Variants in SPAG17 observed in about 807,000 individuals in gnomAD.
SPAG17 encodes sperm associated antigen 17, also known as sperm-associated antigen 17.
In SPAG17, 169 loss-of-function variants were observed where a neutral mutation model predicts 273.6. The ratio of observed to expected loss-of-function variants is 0.62; its 90% CI spans 0.55 to 0.70. The LOEUF is 0.70. Among genes scored for constraint, SPAG17 ranks in the 30% least tolerant of loss-of-function variants. The probability of loss-of-function intolerance (pLI) is 0.00; values close to 1 mark genes in which losing one functional copy is unlikely to be tolerated. For missense variants in SPAG17, 2,557 were observed against 2,627.8 expected (o/e 0.97, Z 0.59); for synonymous variants, 825 against 873.2 (o/e 0.94, Z 0.97).
intron 1 of SPAG17, among the ~76,000 whole-genome samples, chr1:118,168,429 T>C (rs959684108): frequency 1.3e-5 from 2 of 152,192 alleles, no homozygotes; most frequent in African/African-American, 2.4e-5. Context: ...TTTGGAGATA[T>C]TGAATTTAAG....
chr1:117,984,731 T>G lies in SPAG17; in HGVS notation c.5721A>C (p.Ile1907=), dbSNP rs1305493876. Residue 1907 remains isoleucine, a synonymous_variant, in exon 41 of 49, where the codon ATA becomes ATC. Transcript: ENST00000336338. ...QNYLMDIKNR[I]IPPFFKSELN... Reference sequence around the variant, plus strand: ...ATTCAGATTTAAAAAAGGGTGGTATTATGCGGTTCTTAATATCCATTAGGT... The same window carrying G: ...ATTCAGATTTAAAAAAGGGTGGTATGATGCGGTTCTTAATATCCATTAGGT... 2 of 1,611,616 alleles carry G rather than the reference T, an allele frequency of 1.2e-6. No individual in the cohort carries two copies. The highest frequency in any genetic ancestry group is 2.7e-5 in the African/African-American group (2 of 74,876).
At chr1:118,026,409 C>T (rs1477411342) in intron 26 of SPAG17, among the ~76,000 whole-genome samples, 1 of 152,124 alleles carries the variant, frequency 6.6e-6, no homozygotes, top group Non-Finnish European at 1.5e-5. Flanking sequence ...AAGGAATTAA[C>T]ACATAATGAT....
At chr1:118,154,461 T>A (rs552105044) in intron 1 of SPAG17, among the ~76,000 whole-genome samples, 66 of 152,234 alleles carry the variant, frequency 4.3e-4, no homozygotes, top group African/African-American at 1.4e-3. Context: ...ATTCAACTAA[T>A]GAAGAACAAG....
At chr1:118,016,842 T>A (rs1397168573) in intron 28 of SPAG17, among the ~76,000 whole-genome samples, 5 of 152,178 alleles carry the variant, frequency 3.3e-5, no homozygotes, top group Admixed American at 3.3e-4. Context: ...CTCATGGAAA[T>A]CCTTGACCAA....
intron 3 of SPAG17, among the ~76,000 whole-genome samples, chr1:118,139,184 T>C (rs1171913540): frequency 6.6e-6 from 1 of 152,068 alleles, no homozygotes; most frequent in South Asian, 2.1e-4. Context: ...AAAGAAGACA[T>C]GCAGATAGAC....
At chr1:118,068,152 A>T (rs1015357595) in intron 17 of SPAG17, among the ~76,000 whole-genome samples, 5 of 146,844 alleles carry the variant, frequency 3.4e-5, no homozygotes, top group Non-Finnish European at 7.5e-5. Context: ...TATATATATA[A>T]TATATATATA....
rs746968862 is a variant in SPAG17 at position 118,015,966 on chromosome 1, G to A, written c.4286C>T (p.Thr1429Met). The A allele has an allele frequency of 4.2e-5, 68 of 1,613,478 alleles. No homozygotes were observed. The highest frequency in any genetic ancestry group is 3.6e-4 in the South Asian group (33 of 91,032). Residue 1429 changes from threonine to methionine, a missense_variant and splice_region_variant, in exon 29 of 49, where the codon ACG becomes ATG. Thr to Met is a moderately conservative substitution (Grantham distance 81, BLOSUM62 -1). Coordinates refer to ENST00000336338, the MANE Select transcript of SPAG17 (RefSeq NM_206996.4). The part of the protein sequence containing the change: ...SFQATDPVNG[T>M]VMTTREDKVV... ...GCAATAAACAATAGTTTGTCATACC[G>A]TTCCATTGACAGGATCTGTGGCCTG...
chr1:118,161,975 C>A (rs774633433), intron 1 of SPAG17, among the ~76,000 whole-genome samples: 9 of 152,172 alleles, frequency 5.9e-5, no homozygotes, highest in Non-Finnish European at 1.2e-4. Context: ...AAGAGCAGTT[C>A]TACTTGAGTG....
Position 118,023,371 on chromosome 1 carries a change from A to C in SPAG17, c.4002T>G (p.Asp1334Glu), listed in dbSNP as rs1371826526. The C allele has an allele frequency of 3.1e-5, 50 of 1,612,820 alleles. No homozygotes were observed. Among genetic ancestry groups the C allele is most frequent in the Non-Finnish European group, 4.2e-5 (49 of 1,179,244 alleles). Residue 1334 changes from aspartate (D) to glutamate (E), a missense_variant, in exon 28 of 49, where the codon GAT becomes GAG. Asp to Glu is a conservative substitution (Grantham distance 45). Coordinates refer to ENST00000336338, the MANE Select transcript of SPAG17 (RefSeq NM_206996.4). ...TCTGCTGAGAAATAGAGTCCATCAA[A>C]TCTCCACTGTGAGGCGTTGCTGGCA... is the stretch of plus-strand genomic sequence containing the variant. ...SEMPATPHSG[D>E]LMDSISQQKS...
chr1:118,096,060 G>T (rs930073499), intron 7 of SPAG17, among the ~76,000 whole-genome samples: 4 of 152,092 alleles, frequency 2.6e-5, no homozygotes, highest in Non-Finnish European at 5.9e-5. Flanking sequence ...GATTCACCAG[G>T]ATATCAGACT....
intron 24 of SPAG17, among the ~76,000 whole-genome samples, chr1:118,035,844 C>G (rs1309249326): frequency 6.6e-6 from 1 of 152,058 alleles, no homozygotes; most frequent in Non-Finnish European, 1.5e-5. Context: ...AAAGTGATAT[C>G]CTATTTTGTG....
intron 3 of SPAG17, among the ~76,000 whole-genome samples, chr1:118,137,821 C>G (rs1260745186): frequency 6.6e-6 from 1 of 152,080 alleles, no homozygotes; most frequent in East Asian, 1.9e-4. Flanking sequence ...AATTTCTATC[C>G]AATAGTCAAT....
chr1:118,147,491 T>G (rs1659079813), intron 3 of SPAG17, among the ~76,000 whole-genome samples: 4 of 150,630 alleles, frequency 2.7e-5, no homozygotes, highest in African/African-American at 9.7e-5. Context: ...CTGTTCTCAT[T>G]CCCACATGAG....
At chr1:117,971,665 T>C (rs968915157) in intron 45 of SPAG17, 198 bp downstream of exon 45, 23 of 433,036 alleles carry the variant, frequency 5.3e-5, no homozygotes, top group African/African-American at 3.8e-4. Context: ...TACCATATAA[T>C]TGGAACCCGA....
In SPAG17 at chr1:118,041,815, C is replaced by A. The variant is rs1204273718; in HGVS notation, c.3042G>T (p.Lys1014Asn). 6.2e-6 allele frequency: 10 copies of A among 1,610,792 alleles called. No individual in the cohort carries two copies. The highest frequency in any genetic ancestry group is 7.6e-6 in the Non-Finnish European group (9 of 1,179,142). The change falls in exon 21 of 49, where the codon AAG (lysine) becomes AAT (asparagine). Residue 1014 changes from lysine (K) to asparagine (N), a missense_variant. Lys to Asn is a moderately conservative substitution (Grantham distance 94). Transcript: ENST00000336338. ...TEESPHQPEP[K>N]ITYPFHGYNM... ...AATTGGAGTTTACCGGGTAAGTTAT[C>A]TTAGGTTCTGGTTGGTGGGGGGACT...
intron 29 of SPAG17, among the ~76,000 whole-genome samples, chr1:118,014,759 T>A (rs1221757422): frequency 6.6e-6 from 1 of 152,172 alleles, no homozygotes; most frequent in African/African-American, 2.4e-5. Flanking sequence ...TTGTTTAGAT[T>A]CAGAGGGTGC....
chr1:118,061,931 A>C lies in SPAG17; in HGVS notation c.2540+4814T>G, dbSNP rs552921602. On this transcript the variant is annotated intron_variant, in intron 18 of 48. Transcript: ENST00000336338. ...AAAGAGAAAATAAAAGGACAAAATT[A>C]GGTGGTTGAAATCAATCTAAAAATA... is the stretch of plus-strand genomic sequence containing the variant. Among the ~76,000 whole-genome samples, 176 of 152,356 alleles carry C rather than the reference A, an allele frequency of 1.2e-3. 2 individuals carry two copies. The highest frequency in any genetic ancestry group is 4.0e-3 in the African/African-American group (167 of 41,584).
At chr1:118,002,304 T>C (rs2101716951) in intron 32 of SPAG17, among the ~76,000 whole-genome samples, 1 of 152,280 alleles carries the variant, frequency 6.6e-6, no homozygotes, top group South Asian at 2.1e-4. Context: ...ATTCTGTTGA[T>C]TTGGGGCGGA....
At chr1:117,978,982 C>A (rs746037524) in intron 43 of SPAG17, among the ~76,000 whole-genome samples, 1 of 152,126 alleles carries the variant, frequency 6.6e-6, no homozygotes, top group African/African-American at 2.4e-5. Flanking sequence ...ATTCTCCTGC[C>A]TCAGCCTCCT....
Sources: gnomAD v4.1 joint callset for allele counts (sites outside exome capture counted in the v4.1 genomes callset) on GRCh38, gnomAD v4.1.1 for gene constraint, MANE v1.5 for transcripts, NCBI Gene and HGNC (gene_info 2026-07-23, HGNC 2026-07-21) for gene names.